WSCD2: variants seen among roughly 807,000 people sequenced by gnomAD.
WSCD2 encodes sialate:O-sulfotransferase 2.
Under a neutral mutation model 55.7 loss-of-function variants are expected in WSCD2, and 28 were observed. The ratio of observed to expected loss-of-function variants is 0.50; its 90% CI spans 0.37 to 0.69. The LOEUF (loss-of-function observed/expected upper bound fraction) is 0.69, where lower values mean the gene tolerates loss of function less well. WSCD2 is among the 30% of genes least tolerant of loss of function. WSCD2 has a pLI of 0.00. For missense variants in WSCD2, 616 were observed against 762.1 expected, an observed-to-expected ratio of 0.81 and a Z score of 2.26; for synonymous variants, 301 against 301.9, an observed-to-expected ratio of 1.00 and a Z score of 0.03.
intron 1 of WSCD2, among the ~76,000 whole-genome samples, chr12:108,137,859 A>G (rs1565910402): frequency 6.6e-6 from 1 of 152,244 alleles, no homozygotes. Context: ...AATGTTGGAT[A>G]AGTGACATCT....
intron 1 of WSCD2, among the ~76,000 whole-genome samples, chr12:108,178,863 G>C (rs779777440): frequency 6.6e-6 from 1 of 152,158 alleles, no homozygotes; most frequent in Non-Finnish European, 1.5e-5. Context: ...ACCCACAACC[G>C]CCTACGTAGA....
At chr12:108,212,613 T>TCTCTCTCA (rs1310160261) in intron 4 of WSCD2, among the ~76,000 whole-genome samples, 2 of 138,546 alleles carry the variant, frequency 1.4e-5, no homozygotes, top group Non-Finnish European at 3.1e-5. Context: ...TCTCTCTCTC[T>TCTCTCTCA]CACACACACA....
intron 1 of WSCD2, among the ~76,000 whole-genome samples, chr12:108,146,030 G>A (rs1036220459): frequency 6.6e-6 from 1 of 152,198 alleles, no homozygotes; most frequent in Non-Finnish European, 1.5e-5. Flanking sequence ...GGAGAAGGAG[G>A]GGGGCATGTC....
intron 7 of WSCD2, among the ~76,000 whole-genome samples, chr12:108,233,779 G>A (rs1378991265): frequency 2.6e-5 from 4 of 152,252 alleles, no homozygotes; most frequent in African/African-American, 4.8e-5. Context: ...AGAAATCATG[G>A]ATGAAATGCC....
At position 108,240,553 on chromosome 12, in the gene WSCD2, C is replaced by T. The variant is rs1889647111; in HGVS notation, c.1345+9C>T. 1 of 430,430 alleles carries T rather than the reference C, an allele frequency of 2.3e-6. No individual in the cohort carries two copies. The highest frequency in any genetic ancestry group is 3.4e-6 in the Non-Finnish European group (1 of 292,744). 26.7% of individuals were successfully genotyped at this position (430,430 alleles called of 1,614,324 possible). ...CCACTGGAAGGGCAAAGGTACAGCT[C>T]GGGAGAGGAGGGGAGGGGAGGGGAG... On this transcript the variant is annotated intron_variant, in intron 8 of 8. Coordinates refer to ENST00000547525, the MANE Select transcript of WSCD2 (RefSeq NM_014653.4).
chr12:108,220,352 G>A (rs1037306598), intron 4 of WSCD2, among the ~76,000 whole-genome samples: 6 of 152,208 alleles, frequency 3.9e-5, no homozygotes, highest in Non-Finnish European at 5.9e-5. Flanking sequence ...CAAGCTGGGT[G>A]ACCTGTATCA....
intron 4 of WSCD2, among the ~76,000 whole-genome samples, chr12:108,224,305 A>T (rs1193456632): frequency 6.6e-6 from 1 of 152,168 alleles, no homozygotes; most frequent in Non-Finnish European, 1.5e-5. Context: ...GAGTAAGGAC[A>T]GGACAGCCCC....
At chr12:108,138,199 G>A (rs911347997) in intron 1 of WSCD2, among the ~76,000 whole-genome samples, 3 of 152,188 alleles carry the variant, frequency 2.0e-5, no homozygotes, top group Admixed American at 6.5e-5. Flanking sequence ...AGGTTCTATC[G>A]TTTGATGGCC....
rs914918927 is a variant in WSCD2 at position 108,221,739 on chromosome 12, C to A, written c.683-3000C>A. On this transcript the variant is annotated intron_variant, in intron 4 of 8. Coordinates refer to ENST00000547525, the MANE Select transcript of WSCD2 (RefSeq NM_014653.4). ...CTCAAATCATTGGAGCAGGCGTTCCCACACCTCTTTGAATGTTCTCAGGGT... is the reference window on the plus strand; with the variant it reads ...CTCAAATCATTGGAGCAGGCGTTCCAACACCTCTTTGAATGTTCTCAGGGT... 2.6e-5 allele frequency among the ~76,000 whole-genome samples: 4 copies of A among 152,222 alleles called. No individual in the cohort carries two copies. In the East Asian group the frequency reaches 7.7e-4, roughly 29 times the overall value.
intron 7 of WSCD2, among the ~76,000 whole-genome samples, chr12:108,239,226 C>G (rs920741612): frequency 6.6e-6 from 1 of 152,212 alleles, no homozygotes; most frequent in Non-Finnish European, 1.5e-5. Context: ...TCCCACCCAC[C>G]ACAGGCCCTT....
At chr12:108,184,594 G>A (rs1882219869) in intron 1 of WSCD2, among the ~76,000 whole-genome samples, 1 of 152,180 alleles carries the variant, frequency 6.6e-6, no homozygotes, top group Non-Finnish European at 1.5e-5. Flanking sequence ...AACCAGCTCA[G>A]CCCTGGCCTG....
intron 1 of WSCD2, among the ~76,000 whole-genome samples, chr12:108,176,288 C>G (rs1413559253): frequency 6.6e-6 from 1 of 151,950 alleles, no homozygotes; most frequent in Admixed American, 6.6e-5. Context: ...GTTCCATCAC[C>G]CTCAATTCCT....
intron 1 of WSCD2, among the ~76,000 whole-genome samples, chr12:108,177,838 G>A (rs569804660): frequency 6.6e-6 from 1 of 152,268 alleles, no homozygotes; most frequent in East Asian, 1.9e-4. Context: ...CCTGGGGAGG[G>A]TGATTCGCTG....
chr12:108,218,229 C>A (rs2137134357), intron 4 of WSCD2, among the ~76,000 whole-genome samples: 1 of 152,344 alleles, frequency 6.6e-6, no homozygotes, highest in Non-Finnish European at 1.5e-5. Context: ...CAAAGAAGGG[C>A]AGAGGTGCCA....
rs1886052894 is a variant in WSCD2 at position 108,210,828 on chromosome 12, C to A, written c.682+523C>A. Among the ~76,000 whole-genome samples, 1 of 152,240 alleles carries A rather than the reference C, an allele frequency of 6.6e-6. No homozygotes were observed. On this transcript the variant is annotated intron_variant, in intron 4 of 8. Coordinates refer to ENST00000547525, the MANE Select transcript of WSCD2 (RefSeq NM_014653.4). The surrounding 1 kb of genome is among the most constrained non-coding windows in gnomAD (Gnocchi z 4.3). ...GCTTGTAAGCAGCAGAGAATTTAAACCGACTCTGGAGTCCTTGATGCTTTC... is the reference window on the plus strand; with the variant it reads ...GCTTGTAAGCAGCAGAGAATTTAAAACGACTCTGGAGTCCTTGATGCTTTC...
rs1890359476 is a variant in WSCD2, at chr12:108,250,249, T to G, written c.*1906T>G. On this transcript the variant is annotated 3_prime_UTR_variant, in exon 9 of 9. Coordinates refer to ENST00000547525, the MANE Select transcript of WSCD2 (RefSeq NM_014653.4). ...AGAGACAGAGAGAGGCAGAGAGGCA[T>G]AGAGAGACAGAGAGAGAGACAAGAA... is the stretch of plus-strand genomic sequence containing the variant. 1 of 148,660 alleles carries G rather than the reference T, an allele frequency of 6.7e-6. No individual in the cohort carries two copies. The highest frequency in any genetic ancestry group is 2.2e-4 in the South Asian group (1 of 4,612). The allele number at this position is 148,660 out of a possible 1,614,324, so 9.2% of individuals were successfully genotyped here. A position where few individuals can be genotyped will look rare whatever the true frequency, so the allele number is the denominator to read the frequency against.
At chr12:108,157,676 G>A (rs979364205) in intron 1 of WSCD2, among the ~76,000 whole-genome samples, 1 of 152,176 alleles carries the variant, frequency 6.6e-6, no homozygotes, top group Non-Finnish European at 1.5e-5. Flanking sequence ...GGAGCTGAGT[G>A]CAGCTGCTGT....
intron 1 of WSCD2, among the ~76,000 whole-genome samples, chr12:108,151,358 A>G (rs909187128): frequency 6.6e-6 from 1 of 152,080 alleles, no homozygotes; most frequent in African/African-American, 2.4e-5. Context: ...TGTCCCCTTG[A>G]TGCAGGTGGA....
At chr12:108,216,668 G>A (rs1886867139) in intron 4 of WSCD2, among the ~76,000 whole-genome samples, 1 of 152,242 alleles carries the variant, frequency 6.6e-6, no homozygotes, top group Admixed American at 6.5e-5. Context: ...CAGGGTCCCT[G>A]ACAAAGCAGG....
Sources: allele counts gnomAD v4.1 joint callset (sites outside exome capture counted in the v4.1 genomes callset), GRCh38; gene constraint gnomAD v4.1.1; non-coding constraint Gnocchi (gnomAD v3.1); transcripts MANE v1.5; gene names NCBI Gene and HGNC (gene_info 2026-07-23, HGNC 2026-07-21).